DDX52: variants seen among roughly 807,000 people sequenced by gnomAD.
DDX52 encodes the protein DExD-box helicase 52, also known as probable ATP-dependent RNA helicase DDX52.
A neutral mutation model predicts 76.1 loss-of-function variants in DDX52; 59 were observed. The ratio of observed to expected loss-of-function variants is 0.78; its 90% CI spans 0.63 to 0.96. DDX52 has a LOEUF of 0.96. DDX52 is among the 40% of genes least tolerant of loss of function. The probability of loss-of-function intolerance (pLI) is 0.00; values close to 1 mark genes in which losing one functional copy is unlikely to be tolerated. For missense variants in DDX52, 707 were observed against 703.9 expected (o/e 1.00, Z -0.05); for synonymous variants, 231 against 244.1 (o/e 0.95, Z 0.50).
chr17:37,642,029 GA>G, intron 2 of DDX52, 80 bp downstream of exon 2: 1 of 1,556,358 alleles, frequency 6.4e-7, no homozygotes, highest in Non-Finnish European at 8.8e-7. Flanking sequence ...CTTATTGTCT[GA>G]CTTGTAGCCA....
chr17:37,627,019 G>A (rs979861243), intron 6 of DDX52, among the ~76,000 whole-genome samples, 159 bp from the exon 7 acceptor site: 1 of 152,024 alleles, frequency 6.6e-6, no homozygotes, highest in Non-Finnish European at 1.5e-5. Flanking sequence ...TAATATATCT[G>A]AGCAGCTTTC....
At chr17:37,617,645 C>A (rs949364114) in intron 14 of DDX52, among the ~76,000 whole-genome samples, 1 of 152,200 alleles carries the variant, frequency 6.6e-6, no homozygotes, top group Non-Finnish European at 1.5e-5. Flanking sequence ...GAATATGGAG[C>A]TTCAAAGAAG....
At chr17:37,618,014 A>C (rs543537983) in intron 14 of DDX52, among the ~76,000 whole-genome samples, 1 of 152,022 alleles carries the variant, frequency 6.6e-6, no homozygotes, top group Non-Finnish European at 1.5e-5. Context: ...ATTTGGGATG[A>C]TGAAGCAGTA....
Position 37,610,072 on chromosome 17 carries a change from T to C in DDX52, c.*4224A>G, listed in dbSNP as rs1228983460. 1 of 152,176 alleles carries C rather than the reference T, an allele frequency of 6.6e-6. No homozygotes were observed. The highest frequency in any genetic ancestry group is 1.9e-4 in the East Asian group (1 of 5,194). The allele number at this position is 152,176 out of a possible 1,614,324, so 9.4% of individuals were successfully genotyped here. Reference sequence around the variant, plus strand: ...CTTGCAGGCAAGTGCAAAACAGTGGTTTTTGGAAGGCAATTCATAATTACT... The same window carrying C: ...CTTGCAGGCAAGTGCAAAACAGTGGCTTTTGGAAGGCAATTCATAATTACT... On this transcript the variant is annotated 3_prime_UTR_variant, in exon 15 of 15. Transcript: ENST00000617633.
intron 1 of DDX52, 77 bp downstream of exon 1, chr17:37,643,257 C>A: frequency 6.7e-7 from 1 of 1,489,994 alleles, no homozygotes; most frequent in South Asian, 1.2e-5. Context: ...GTGCGCCGGC[C>A]TCCCCCAGCA....
Position 37,632,294 on chromosome 17 carries a change from T to G in DDX52, c.422A>C (p.Asn141Thr). 2 of 1,614,034 alleles carry G rather than the reference T, an allele frequency of 1.2e-6. No homozygotes were observed. Among genetic ancestry groups the G allele is most frequent in the Non-Finnish European group, 1.7e-6 (2 of 1,179,978 alleles). Residue 141 changes from asparagine (N) to threonine (T), a missense_variant, in exon 4 of 15, where the codon AAC becomes ACC. Transcript: ENST00000617633. ...AATTTTGTGTTTATTCCGCAAGAAG[T>G]TTATCTGAAAAGTGAAGTAAAGAGG... The part of the protein sequence containing the change: ...KLENLRKEKI[N>T]FLRNKHKIHV...
rs368118442 is a variant in DDX52, at chr17:37,621,179, C to A, written c.1449G>T (p.Leu483Phe). ...ARGIDFKGVN[L>F]VINYDFPTSS... ...TAGTTGGAAAGTCATAGTTGATCACCAAGTTCACACCTTTAAAATCAATCC... is the reference window on the plus strand; with the variant it reads ...TAGTTGGAAAGTCATAGTTGATCACAAAGTTCACACCTTTAAAATCAATCC... The change falls in exon 11 of 15, where the codon TTG becomes TTT. Residue 483 changes from leucine to phenylalanine, a missense_variant. Transcript: ENST00000617633. 3.7e-5 allele frequency: 60 copies of A among 1,613,734 alleles called. No individual in the cohort carries two copies. The highest frequency in any genetic ancestry group is 5.1e-5 in the Non-Finnish European group (60 of 1,179,882).
chr17:37,614,082 G>C lies in DDX52; in HGVS notation c.*214C>G. 3.9e-6 allele frequency: 2 copies of C among 510,460 alleles called. No individual in the cohort carries two copies. The highest frequency in any genetic ancestry group is 6.8e-6 in the Non-Finnish European group (2 of 295,750). 31.6% of individuals were successfully genotyped at this position (510,460 alleles called of 1,614,324 possible). A position where few individuals can be genotyped will look rare whatever the true frequency, so the allele number is the denominator to read the frequency against. ...GTTCAAGACCAGCCTGGACAACATGGCAAGACCCTCATCTCTACAGGAAAA... is the reference window on the plus strand; with the variant it reads ...GTTCAAGACCAGCCTGGACAACATGCCAAGACCCTCATCTCTACAGGAAAA... On this transcript the variant is annotated 3_prime_UTR_variant, in exon 15 of 15. Transcript: ENST00000617633.
chr17:37,638,683 T>C (rs1025340040), intron 2 of DDX52, among the ~76,000 whole-genome samples: 1 of 152,168 alleles, frequency 6.6e-6, no homozygotes, highest in Non-Finnish European at 1.5e-5. Context: ...TATTCACTCC[T>C]TATACCAAAT....
intron 5 of DDX52, among the ~76,000 whole-genome samples, 170 bp downstream of exon 5, chr17:37,629,860 A>G (rs2030589408): frequency 6.6e-6 from 1 of 152,230 alleles, no homozygotes; most frequent in Non-Finnish European, 1.5e-5. Context: ...GAAAGACTTA[A>G]AAGACTTGCC....
chr17:37,636,909 C>CCAATTA (rs2030954858), intron 2 of DDX52, among the ~76,000 whole-genome samples: 1 of 152,164 alleles, frequency 6.6e-6, no homozygotes, highest in African/African-American at 2.4e-5. Flanking sequence ...GTGTATATAA[C>CCAATTA]CAATTACAAG....
Position 37,613,755 on chromosome 17 carries a change from A to C in DDX52, c.*541T>G, listed in dbSNP as rs1037909534. 6.5e-6 allele frequency: 1 copy of C among 152,686 alleles called. No homozygotes were observed. The highest frequency in any genetic ancestry group is 2.4e-5 in the African/African-American group (1 of 41,458). The allele number at this position is 152,686 out of a possible 1,614,324, so 9.5% of individuals were successfully genotyped here. A position where few individuals can be genotyped will look rare whatever the true frequency, so the allele number is the denominator to read the frequency against. ...AAAGTGAGCAGTGGAAGGGGTATTT[A>C]ATGTCAAGGCTTTATTTTGAATTTC... On this transcript the variant is annotated 3_prime_UTR_variant, in exon 15 of 15. Coordinates refer to ENST00000617633, the MANE Select transcript of DDX52 (RefSeq NM_007010.5).
intron 5 of DDX52, 151 bp downstream of exon 5, chr17:37,629,879 G>A (rs1410063086): frequency 2.6e-5 from 24 of 934,926 alleles, no homozygotes; most frequent in Non-Finnish European, 3.4e-5. Context: ...CCCACATGGA[G>A]TAAGATCCGG....
At chr17:37,626,486 T>C (rs2030381498) in intron 7 of DDX52, among the ~76,000 whole-genome samples, 1 of 152,172 alleles carries the variant, frequency 6.6e-6, no homozygotes. Flanking sequence ...AAACCTTCCG[T>C]TCTTTATAAA....
rs1300382843 is a variant in DDX52, at chr17:37,612,016, G to A, written c.*2280C>T. On this transcript the variant is annotated 3_prime_UTR_variant, in exon 15 of 15. Coordinates refer to ENST00000617633, the MANE Select transcript of DDX52 (RefSeq NM_007010.5). Reference sequence around the variant, plus strand: ...TAAAGTAAAAGTTACAGTAAGCTAAGGTTAATTTATTGAAGAAAAAATATA... The same window carrying A: ...TAAAGTAAAAGTTACAGTAAGCTAAAGTTAATTTATTGAAGAAAAAATATA... 1 of 147,584 alleles carries A rather than the reference G, an allele frequency of 6.8e-6. No individual in the cohort carries two copies. The highest frequency in any genetic ancestry group is 2.5e-5 in the African/African-American group (1 of 40,518). 9.1% of individuals were successfully genotyped at this position (147,584 alleles called of 1,614,324 possible). A position where few individuals can be genotyped will look rare whatever the true frequency, so the allele number is the denominator to read the frequency against.
intron 6 of DDX52, 112 bp from the exon 7 acceptor site, chr17:37,626,972 C>T: frequency 1.3e-6 from 1 of 774,396 alleles, no homozygotes; most frequent in Non-Finnish European, 2.1e-6. Flanking sequence ...GTAGTCATAG[C>T]CAACAACACA....
At position 37,610,702 on chromosome 17, in the gene DDX52, AGTTACTGTCATTT is replaced by A. The variant is rs1324702277; in HGVS notation, c.*3581_*3593del. The A allele has an allele frequency of 6.6e-6, 1 of 152,224 alleles. No individual in the cohort carries two copies. The highest frequency in any genetic ancestry group is 1.5e-5 in the Non-Finnish European group (1 of 68,036). 9.4% of individuals were successfully genotyped at this position (152,224 alleles called of 1,614,324 possible). A position where few individuals can be genotyped will look rare whatever the true frequency, so the allele number is the denominator to read the frequency against. On this transcript the variant is annotated 3_prime_UTR_variant, in exon 15 of 15. Transcript: ENST00000617633. ...AGATGAGAAAATCAAGGTTAGAAAC[AGTTACTGTCATTT>A]GTCCAGATCATACAGCTACAAGCAA...
Position 37,620,009 on chromosome 17 carries a change from G to T in DDX52, c.1578-170C>A, listed in dbSNP as rs2030000672. ...ATGTAAGCACATTGGATTACAGAGA[G>T]AACTATCCACTGGGCTGAAATTAAT... On this transcript the variant is annotated intron_variant, in intron 12 of 14. Coordinates refer to ENST00000617633, the MANE Select transcript of DDX52 (RefSeq NM_007010.5). 5 of 581,236 alleles carry T rather than the reference G, an allele frequency of 8.6e-6. No homozygotes were observed. The South Asian group carries it at 1.4e-4, about 16-fold the overall frequency. The allele number at this position is 581,236 out of a possible 1,614,324, so 36.0% of individuals were successfully genotyped here. A position where few individuals can be genotyped will look rare whatever the true frequency, so the allele number is the denominator to read the frequency against.
intron 6 of DDX52, among the ~76,000 whole-genome samples, chr17:37,628,123 A>G (rs1361315220): frequency 6.6e-6 from 1 of 152,062 alleles, no homozygotes; most frequent in African/African-American, 2.4e-5. Context: ...GAGTATTTCC[A>G]TGGCAGATTA....
Sources: gnomAD v4.1 joint callset for allele counts (sites outside exome capture counted in the v4.1 genomes callset) on GRCh38, gnomAD v4.1.1 for gene constraint, MANE v1.5 for transcripts, NCBI Gene and HGNC (gene_info 2026-07-23, HGNC 2026-07-21) for gene names.